Variants in TNR observed in about 807,000 individuals in gnomAD.
The protein encoded by TNR is tenascin-R.
A neutral mutation model predicts 150.4 loss-of-function variants in TNR; 45 were observed. The observed-to-expected ratio is 0.30, with a 90% CI of 0.24 to 0.38. The LOEUF (loss-of-function observed/expected upper bound fraction) is 0.38. Among genes scored for constraint, TNR ranks in the 10% least tolerant of loss-of-function variants. The pLI, the probability that TNR is intolerant of heterozygous loss-of-function variation, is 1.00. For missense variants in TNR, 1,544 were observed against 1,759.1 expected, an observed-to-expected ratio of 0.88 and a Z score of 2.19; for synonymous variants, 687 against 678.4, an observed-to-expected ratio of 1.01 and a Z score of -0.20.
chr1:175,331,144 TTC>T (rs1649872659), intron 20 of TNR, among the ~76,000 whole-genome samples: 3 of 147,752 alleles, frequency 2.0e-5, no homozygotes, highest in South Asian at 2.2e-4. Context: ...TCTTTCTTTC[TTC>T]CTTTCTTTCT....
intron 9 of TNR, among the ~76,000 whole-genome samples, chr1:175,375,262 G>A (rs187763739): frequency 6.6e-6 from 1 of 151,772 alleles, no homozygotes; most frequent in Non-Finnish European, 1.5e-5. Context: ...CTGGTAAGAT[G>A]TGTAACACTC....
chr1:175,677,939 G>C (rs1296987052), intron 1 of TNR, among the ~76,000 whole-genome samples: 4 of 152,050 alleles, frequency 2.6e-5, no homozygotes, highest in African/African-American at 9.7e-5. Context: ...CAGGGGGCTA[G>C]GAGTAAGTGC....
chr1:175,583,096 T>G (rs1017104424), intron 1 of TNR, among the ~76,000 whole-genome samples: 1 of 152,096 alleles, frequency 6.6e-6, no homozygotes, highest in African/African-American at 2.4e-5. Flanking sequence ...CAGCATAAAA[T>G]AGACTAAGGC....
chr1:175,318,059 G>T lies in TNR; in HGVS notation c.*5298C>A, dbSNP rs748693879. 2.0e-5 allele frequency: 3 copies of T among 152,252 alleles called. No individual in the cohort carries two copies. The highest frequency in any genetic ancestry group is 2.0e-4 in the Admixed American group (3 of 15,284). The allele number at this position is 152,252 out of a possible 1,614,324, so 9.4% of individuals were successfully genotyped here. ...AATCAGGCTTGTGACTACTGGTGACGCAAAAGTCAGATCCAGGCAGAACTG... is the reference window on the plus strand; with the variant it reads ...AATCAGGCTTGTGACTACTGGTGACTCAAAAGTCAGATCCAGGCAGAACTG... On this transcript the variant is annotated 3_prime_UTR_variant, in exon 23 of 23. Transcript: ENST00000367674.
At chr1:175,375,475 A>ATG (rs1464296497) in intron 9 of TNR, among the ~76,000 whole-genome samples, 1 of 139,908 alleles carries the variant, frequency 7.1e-6, no homozygotes, top group Non-Finnish European at 1.6e-5. Flanking sequence ...ACAGAGAATA[A>ATG]TGGGGGGGGA....
In TNR at chr1:175,372,135, C is replaced by T. The variant is rs185860363; in HGVS notation, c.1964-4838G>A. Among the ~76,000 whole-genome samples, 23 of 152,110 alleles carry T rather than the reference C, an allele frequency of 1.5e-4. No individual in the cohort carries two copies. In the East Asian group the frequency reaches 4.1e-3, roughly 27 times the overall value. On this transcript the variant is annotated intron_variant, in intron 9 of 22. Coordinates refer to ENST00000367674, the MANE Select transcript of TNR (RefSeq NM_003285.3). ...CCTCTCTCATTGTGTGATGCGCGGG[C>T]TACTCCTCCGGCTTCCCGCATGATT...
In TNR at chr1:175,575,077, C is replaced by A. The variant is rs1015953137; in HGVS notation, c.-164-46708G>T. Among the ~76,000 whole-genome samples, 8 of 152,276 alleles carry A rather than the reference C, an allele frequency of 5.3e-5. No homozygotes were observed. In the East Asian group the frequency reaches 7.7e-4, roughly 15 times the overall value. On this transcript the variant is annotated intron_variant, in intron 1 of 22. Coordinates refer to ENST00000367674, the MANE Select transcript of TNR (RefSeq NM_003285.3). ...GGCCTGGCAGGATTGCACTTTCTGGCCTCTTTAGGTTTGCTGGGGCCATGT... is the reference window on the plus strand; with the variant it reads ...GGCCTGGCAGGATTGCACTTTCTGGACTCTTTAGGTTTGCTGGGGCCATGT...
At chr1:175,399,622 G>T (rs527649348) in intron 4 of TNR, among the ~76,000 whole-genome samples, 2 of 152,124 alleles carry the variant, frequency 1.3e-5, no homozygotes, top group East Asian at 3.8e-4. Context: ...CCTTATAAAA[G>T]AAAATTATAT....
intron 2 of TNR, among the ~76,000 whole-genome samples, chr1:175,439,583 C>T (rs1011081721): frequency 7.9e-5 from 12 of 152,278 alleles, no homozygotes; most frequent in East Asian, 1.9e-4. Context: ...TCAGAGTGAA[C>T]AGGCAACCTA....
intron 2 of TNR, among the ~76,000 whole-genome samples, chr1:175,420,273 G>C (rs1654693711): frequency 6.6e-6 from 1 of 152,132 alleles, no homozygotes; most frequent in African/African-American, 2.4e-5. Context: ...CTGACTTCCT[G>C]GAGGGGCTGT....
intron 1 of TNR, among the ~76,000 whole-genome samples, chr1:175,680,288 G>A (rs1665989990): frequency 6.6e-6 from 1 of 152,196 alleles, no homozygotes; most frequent in African/African-American, 2.4e-5. Flanking sequence ...GCAGCTGAGA[G>A]TCTCAGAAAA....
intron 2 of TNR, among the ~76,000 whole-genome samples, chr1:175,444,796 G>A (rs374953813): frequency 1.7e-4 from 26 of 152,140 alleles, no homozygotes; most frequent in African/African-American, 6.3e-4. Flanking sequence ...TGCTGGGGAG[G>A]TGATGTTTCA....
Position 175,321,768 on chromosome 1 carries a change from G to C in TNR, c.*1589C>G, listed in dbSNP as rs1649065661. 6.6e-6 allele frequency: 1 copy of C among 152,098 alleles called. No homozygotes were observed. Among genetic ancestry groups the C allele is most frequent in the African/African-American group, 2.4e-5 (1 of 41,402 alleles). 9.4% of individuals were successfully genotyped at this position (152,098 alleles called of 1,614,324 possible). On this transcript the variant is annotated 3_prime_UTR_variant, in exon 23 of 23. Transcript: ENST00000367674. ...TGGATTTCTGGATGTAATTTCCTTT[G>C]GCTATTGTCATTTTTCCTTTGCAAG...
In TNR at chr1:175,321,120, A is replaced by T. The variant is rs1259412279; in HGVS notation, c.*2237T>A. ...TACTATTCATTGTTGCCCCGTCTCT[A>T]GGTAAGTCTTCTGTAATTTACATGC... On this transcript the variant is annotated 3_prime_UTR_variant, in exon 23 of 23. Transcript: ENST00000367674. 1 of 152,122 alleles carries T rather than the reference A, an allele frequency of 6.6e-6. No individual in the cohort carries two copies. Among genetic ancestry groups the T allele is most frequent in the Non-Finnish European group, 1.5e-5 (1 of 68,036 alleles). 9.4% of individuals were successfully genotyped at this position (152,122 alleles called of 1,614,324 possible).
chr1:175,627,800 C>T (rs1175128179), intron 1 of TNR, among the ~76,000 whole-genome samples: 1 of 152,054 alleles, frequency 6.6e-6, no homozygotes, highest in Non-Finnish European at 1.5e-5. Context: ...TTTGGAAACA[C>T]AACTTTTCCT....
At chr1:175,331,103 C>CTTTCTTTCTTTCTTTCTT (rs1186147523) in intron 20 of TNR, among the ~76,000 whole-genome samples, 4 of 55,836 alleles carry the variant, frequency 7.2e-5, no homozygotes, top group African/African-American at 1.2e-4. Flanking sequence ...CTTTCTTTCT[C>CTTTCTTTCTTTCTTTCTT]TCTCTCTTTC....
chr1:175,513,474 C>G (rs1347722457), intron 2 of TNR, among the ~76,000 whole-genome samples: 2 of 152,200 alleles, frequency 1.3e-5, no homozygotes, highest in Admixed American at 6.5e-5. Flanking sequence ...AAATCCCTCT[C>G]CACATGCTCT....
chr1:175,593,423 G>A (rs937734988), intron 1 of TNR, among the ~76,000 whole-genome samples: 1 of 152,040 alleles, frequency 6.6e-6, no homozygotes, highest in Non-Finnish European at 1.5e-5. Context: ...ACAGTTTGCA[G>A]CTCAAAAAGC....
chr1:175,707,703 G>T (rs1666879486), intron 1 of TNR, among the ~76,000 whole-genome samples: 3 of 152,104 alleles, frequency 2.0e-5, no homozygotes, highest in Admixed American at 1.3e-4. Flanking sequence ...ATAAAATGTT[G>T]CTTGTGTAAG....
Sources: allele counts gnomAD v4.1 joint callset (sites outside exome capture counted in the v4.1 genomes callset), GRCh38; gene constraint gnomAD v4.1.1; transcripts MANE v1.5; gene names NCBI Gene and HGNC (gene_info 2026-07-23, HGNC 2026-07-21).